AP3D1: variants seen among roughly 807,000 people sequenced by gnomAD.
AP3D1 encodes AP-3 complex subunit delta-1.
AP3D1 carries 51 observed loss-of-function variants against 147.6 expected under a neutral mutation model. The ratio of observed to expected loss-of-function variants is 0.35; its 90% CI spans 0.28 to 0.44. The LOEUF (loss-of-function observed/expected upper bound fraction) is 0.44. Among genes scored for constraint, AP3D1 ranks in the 20% least tolerant of loss-of-function variants. The pLI, the probability that AP3D1 is intolerant of heterozygous loss-of-function variation, is 1.00. For missense variants in AP3D1, 1,421 were observed against 1,624.2 expected (o/e 0.87, Z 2.15); for synonymous variants, 760 against 663.0 (o/e 1.15, Z -2.25).
At chr19:2,128,140 C>T (rs544161663) in intron 8 of AP3D1, among the ~76,000 whole-genome samples, 9 of 152,232 alleles carry the variant, frequency 5.9e-5, no homozygotes, top group South Asian at 2.1e-4. Context: ...CAGTGGGGGC[C>T]GGGGAGGGGT....
intron 1 of AP3D1, among the ~76,000 whole-genome samples, chr19:2,162,398 C>T (rs549643680): frequency 2.0e-5 from 3 of 148,954 alleles, no homozygotes; most frequent in South Asian, 4.3e-4. Flanking sequence ...TATAAATCTC[C>T]GAATTTCGAA....
intron 1 of AP3D1, among the ~76,000 whole-genome samples, chr19:2,159,243 G>A (rs1483894420): frequency 1.3e-5 from 2 of 148,730 alleles, no homozygotes; most frequent in Non-Finnish European, 3.0e-5. Context: ...TTTTGAGACG[G>A]AGTCTCCCTC....
rs1367761042 is a variant in AP3D1 at position 2,129,493 on chromosome 19, C to G, written c.593-36G>C. The G allele has an allele frequency of 7.5e-6, 12 of 1,596,000 alleles. No individual in the cohort carries two copies. The South Asian group carries it at 1.3e-4, about 18-fold the overall frequency. On this transcript the variant is annotated intron_variant, in intron 6 of 31. Transcript: ENST00000643116. ...AGGGGTTCTCATCAGCATGCCTGTC[C>G]TTCCACCTAGAAAACCATCCTACTG...
intron 1 of AP3D1, among the ~76,000 whole-genome samples, chr19:2,141,961 T>G (rs2144533887): frequency 6.7e-6 from 1 of 149,758 alleles, no homozygotes; most frequent in African/African-American, 2.4e-5. Context: ...TTTGCATATA[T>G]TTATGTATAT....
intron 3 of AP3D1, among the ~76,000 whole-genome samples, 191 bp from the exon 4 acceptor site, chr19:2,137,282 A>G (rs1470780669): frequency 6.6e-6 from 1 of 151,882 alleles, no homozygotes; most frequent in African/African-American, 2.4e-5. Flanking sequence ...TCAAAATTCC[A>G]TGAGGAAATT....
At chr19:2,128,371 C>G (rs1276505378) in intron 8 of AP3D1, among the ~76,000 whole-genome samples, 1 of 152,104 alleles carries the variant, frequency 6.6e-6, no homozygotes, top group Non-Finnish European at 1.5e-5. Context: ...CTAGGACGGA[C>G]AGTCATCTTT....
chr19:2,135,654 G>C (rs2019056352), intron 4 of AP3D1, among the ~76,000 whole-genome samples: 1 of 152,216 alleles, frequency 6.6e-6, no homozygotes, highest in Non-Finnish European at 1.5e-5. Flanking sequence ...CTGCGTCCGA[G>C]GCCAGGCCAG....
At chr19:2,112,803 T>C in intron 24 of AP3D1, 57 bp downstream of exon 24, 4 of 1,412,834 alleles carry the variant, frequency 2.8e-6, no homozygotes, top group Non-Finnish European at 3.9e-6. Flanking sequence ...CGGCCCCACG[T>C]TGGGGTGCTG....
intron 6 of AP3D1, 53 bp downstream of exon 6, chr19:2,130,355 G>A (rs1051933919): frequency 1.7e-5 from 27 of 1,609,844 alleles, no homozygotes; most frequent in Non-Finnish European, 2.1e-5. Context: ...TCTTCCCAGG[G>A]CACCGGCTGA....
At chr19:2,109,997 C>A in intron 28 of AP3D1, 39 bp from the exon 29 acceptor site, 1 of 1,608,148 alleles carries the variant, frequency 6.2e-7, no homozygotes, top group South Asian at 1.1e-5. Flanking sequence ...AGAGGGGAGT[C>A]GGGCCCAGCT....
chr19:2,104,640 A>G (rs1270960577), intron 31 of AP3D1, among the ~76,000 whole-genome samples: 1 of 151,054 alleles, frequency 6.6e-6, no homozygotes, highest in East Asian at 1.9e-4. Flanking sequence ...ACCAAGGTGG[A>G]CGGACACTAG....
intron 1 of AP3D1, among the ~76,000 whole-genome samples, chr19:2,143,530 G>A (rs2019278407): frequency 1.3e-5 from 2 of 151,688 alleles, no homozygotes; most frequent in African/African-American, 4.8e-5. Context: ...GTGAGCCACC[G>A]TGCCAGGCCA....
chr19:2,137,782 C>G lies in AP3D1; in HGVS notation c.218G>C (p.Ser73Thr), dbSNP rs754114237. The change falls in exon 3 of 32, where the codon AGC becomes ACC. Residue 73 changes from serine (S) to threonine (T), a missense_variant. Coordinates refer to ENST00000643116, the MANE Select transcript of AP3D1 (RefSeq NM_001261826.3). Reference sequence around the variant, plus strand: ...TTCTATGATGTTGAAGGCGGCCCAGCTGATGTCGTATCCCAACATCTGTAA... The same window carrying G: ...TTCTATGATGTTGAAGGCGGCCCAGGTGATGTCGTATCCCAACATCTGTAA... ...TYLQMLGYDI[S>T]WAAFNIIEVM... is the part of the protein sequence containing the mutation. 30 of 1,613,936 alleles carry G rather than the reference C, an allele frequency of 1.9e-5. No individual in the cohort carries two copies. Among genetic ancestry groups the G allele is most frequent in the Admixed American group, 3.3e-5 (2 of 59,990 alleles).
chr19:2,141,161 G>A (rs1189717015), intron 1 of AP3D1, among the ~76,000 whole-genome samples: 1 of 152,094 alleles, frequency 6.6e-6, no homozygotes, highest in Non-Finnish European at 1.5e-5. Flanking sequence ...CTATAATGTG[G>A]CTATACATCA....
intron 31 of AP3D1, among the ~76,000 whole-genome samples, chr19:2,107,643 G>T (rs1017086807): frequency 6.6e-6 from 1 of 151,780 alleles, no homozygotes; most frequent in African/African-American, 2.4e-5. Context: ...GGGAGGCTGA[G>T]GCAGGAGAAT....
intron 1 of AP3D1, among the ~76,000 whole-genome samples, chr19:2,145,629 CCCT>C (rs1399038714): frequency 6.6e-6 from 1 of 152,166 alleles, no homozygotes; most frequent in African/African-American, 2.4e-5. Context: ...GCCGCTCCTG[CCCT>C]CTGGTCTTCC....
chr19:2,116,863 C>T, intron 16 of AP3D1, 117 bp from the exon 17 acceptor site: 1 of 1,328,570 alleles, frequency 7.5e-7, no homozygotes, highest in Non-Finnish European at 1.0e-6. Flanking sequence ...ACAGTGGGGC[C>T]TGCCACCCAC....
intron 5 of AP3D1, among the ~76,000 whole-genome samples, chr19:2,131,336 G>A (rs1421615672): frequency 1.3e-5 from 2 of 151,432 alleles, no homozygotes; most frequent in Admixed American, 6.6e-5. Context: ...TGGACAGGCA[G>A]CCACGTGGGG....
intron 1 of AP3D1, among the ~76,000 whole-genome samples, chr19:2,142,755 GT>G (rs11311779): frequency 0.32 from 46,765 of 145,534 alleles, 8,583 homozygotes; most frequent in Non-Finnish European, 0.43. Context: ...GGTTTTTTCT[GT>G]TTTTTTTTTT....
Sources: gnomAD v4.1 joint callset for allele counts (sites outside exome capture counted in the v4.1 genomes callset) on GRCh38, gnomAD v4.1.1 for gene constraint, MANE v1.5 for transcripts, NCBI Gene and HGNC (gene_info 2026-07-23, HGNC 2026-07-21) for gene names.